LMTK3: variants seen among roughly 807,000 people sequenced by gnomAD.
LMTK3 encodes the protein serine/threonine-protein kinase LMTK3.
LMTK3 carries 27 observed loss-of-function variants against 116.7 expected under a neutral mutation model. The observed-to-expected ratio is 0.23, with a 90% CI of 0.17 to 0.32. LMTK3 has a LOEUF of 0.32. Ranked by LOEUF, LMTK3 falls within the 10% of genes least tolerant of loss-of-function variation. The pLI, the probability that LMTK3 is intolerant of heterozygous loss-of-function variation, is 1.00. For synonymous variants in LMTK3, 965 were observed against 971.0 expected (o/e 0.99, Z 0.11); for missense variants, 1,764 against 2,068.5 (o/e 0.85, Z 2.86).
intron 11 of LMTK3, among the ~76,000 whole-genome samples, chr19:48,495,642 A>G (rs1161485546): frequency 1.3e-5 from 2 of 152,246 alleles, no homozygotes; most frequent in Non-Finnish European, 2.9e-5. Flanking sequence ...TCCTCTGTCC[A>G]GCCCACTTCC....
chr19:48,496,296 C>CTTTT (rs1365263028), intron 11 of LMTK3, among the ~76,000 whole-genome samples: 2 of 142,200 alleles, frequency 1.4e-5, no homozygotes, highest in Non-Finnish European at 3.0e-5. Flanking sequence ...TTTTCTTTTT[C>CTTTT]TTTTCTTTTT....
chr19:48,496,746 G>C (rs1569101953), intron 11 of LMTK3, among the ~76,000 whole-genome samples: 1 of 152,276 alleles, frequency 6.6e-6, no homozygotes. Flanking sequence ...ACAGAGCCCA[G>C]CCAGCTTATT....
At position 48,493,828 on chromosome 19, in the gene LMTK3, C is replaced by T. The variant is rs567737297; in HGVS notation, c.3958G>A (p.Ala1320Thr). 46 of 1,487,034 alleles carry T rather than the reference C, an allele frequency of 3.1e-5. No homozygotes were observed. In the African/African-American group the frequency reaches 5.9e-4, roughly 19 times the overall value. 92.1% of individuals were successfully genotyped at this position (1,487,034 alleles called of 1,614,324 possible). Residue 1320 changes from alanine (A) to threonine (T), a missense_variant, in exon 12 of 15, where the codon GCG becomes ACG. By Grantham distance (58) the Ala-to-Thr change is moderately conservative. Around this residue, in one of 7 missense-constraint regions of LMTK3, gnomAD observed 281 missense variants for 301.4 expected, o/e 0.93. Coordinates refer to ENST00000600059, the MANE Select transcript of LMTK3 (RefSeq NM_001388485.1). ...CCCCGCAGCGGGCGGGCCGCGTCCG[C>T]GTCGGCGCTGCTCACCACGACGGGC... ...PVPVVVSSAD[A>T]DAARPLRGLL...
chr19:48,503,093 TTTG>T, intron 5 of LMTK3, 97 bp from the exon 6 acceptor site: 1 of 741,748 alleles, frequency 1.3e-6, no homozygotes, highest in African/African-American at 1.8e-5. Flanking sequence ...TCCACCCTTT[TTTG>T]TTGTTTTTGT....
In LMTK3 at chr19:48,502,988, T is replaced by C. The variant is rs746735486; in HGVS notation, c.566A>G (p.Gln189Arg). Residue 189 changes from glutamine (Q) to arginine (R), a missense_variant, in exon 6 of 15, where the codon CAG (glutamine) becomes CGG (arginine). Transcript: ENST00000600059. Reference sequence around the variant, plus strand: ...CAGGCACTGGAGGACATTGGGGTGCTGCAGGCTCCTGTGGAGTGAGGAGGT... The same window carrying C: ...CAGGCACTGGAGGACATTGGGGTGCCGCAGGCTCCTGTGGAGTGAGGAGGT... ...ISEAQPYRSLQHPNVLQCLGL... is the reference protein window; with the variant it reads ...ISEAQPYRSLRHPNVLQCLGL... 2 of 1,611,226 alleles carry C rather than the reference T, an allele frequency of 1.2e-6. No individual in the cohort carries two copies. Among genetic ancestry groups the C allele is most frequent in the African/African-American group, 1.3e-5 (1 of 75,000 alleles).
rs369031433 is a variant in LMTK3, at chr19:48,502,532, G to C, written c.695C>G (p.Ser232Cys). 6 of 1,598,006 alleles carry C rather than the reference G, an allele frequency of 3.8e-6. No homozygotes were observed. Among genetic ancestry groups the C allele is most frequent in the Non-Finnish European group, 4.3e-6 (5 of 1,173,350 alleles). ...CAGGTCTCGAGGGGGTAGCTCAGGG[G>C]ACAGGCCCTCGGGGGGCCGCTGGGC... ...LRAQRPPEGL[S>C]PELPPRDLRT... Residue 232 changes from serine (S) to cysteine (C), a missense_variant, in exon 7 of 15, where the codon TCC (serine) becomes TGC (cysteine). Ser to Cys is a moderately radical substitution (Grantham distance 112). This residue lies in a region of LMTK3 where 271 missense variants were observed against 478.2 expected (regional missense o/e 0.57). Coordinates refer to ENST00000600059, the MANE Select transcript of LMTK3 (RefSeq NM_001388485.1).
At chr19:48,489,522 G>A (rs559147101) in intron 14 of LMTK3, among the ~76,000 whole-genome samples, 59 of 151,580 alleles carry the variant, frequency 3.9e-4, no homozygotes, top group African/African-American at 1.4e-3. Flanking sequence ...GCAATGAGCC[G>A]AGATCACACC....
chr19:48,503,798 T>A (rs2147553925), intron 5 of LMTK3, among the ~76,000 whole-genome samples: 1 of 151,840 alleles, frequency 6.6e-6, no homozygotes, highest in South Asian at 2.1e-4. Flanking sequence ...TTTCTCTCTC[T>A]CTCTCTCTCT....
chr19:48,492,072 G>T (rs1200205636), intron 12 of LMTK3, among the ~76,000 whole-genome samples: 1 of 152,134 alleles, frequency 6.6e-6, no homozygotes, highest in Non-Finnish European at 1.5e-5. Context: ...CCAGTTCTTG[G>T]CCTTGTTTCC....
chr19:48,485,483 G>C lies in LMTK3; in HGVS notation c.*290C>G. 1 of 445,744 alleles carries C rather than the reference G, an allele frequency of 2.2e-6. No individual in the cohort carries two copies. Among genetic ancestry groups the C allele is most frequent in the African/African-American group, 2.1e-5 (1 of 48,256 alleles). 27.6% of individuals were successfully genotyped at this position (445,744 alleles called of 1,614,324 possible). ...GTCGAGGGGCTCCAGGCCCAAAAGA[G>C]TTCAGTTCAGTTCCGAGAAAGGCGG... On this transcript the variant is annotated 3_prime_UTR_variant, in exon 15 of 15. Coordinates refer to ENST00000600059, the MANE Select transcript of LMTK3 (RefSeq NM_001388485.1).
Position 48,500,961 on chromosome 19 carries a change from G to A in LMTK3, c.1151+35C>T, listed in dbSNP as rs1972454337. On this transcript the variant is annotated intron_variant, in intron 10 of 14. Transcript: ENST00000600059. This position sits in a 1 kb window ranked among gnomAD's most constrained non-coding sequence, Gnocchi z 4.0. ...GCTGGGACCATCCTGGGTGGGGTGC[G>A]GCAGGCCAGGAGCCCCGGGTGGGCT... 3 of 1,469,738 alleles carry A rather than the reference G, an allele frequency of 2.0e-6. No homozygotes were observed. Among genetic ancestry groups the A allele is most frequent in the Non-Finnish European group, 2.7e-6 (3 of 1,112,366 alleles). 91.0% of individuals were successfully genotyped at this position (1,469,738 alleles called of 1,614,324 possible).
rs919992722 is a variant in LMTK3, at chr19:48,497,642, G to C, written c.3427C>G (p.Pro1143Ala). Residue 1143 changes from proline (P) to alanine (A), a missense_variant, in exon 11 of 15, where the codon CCG becomes GCG. Transcript: ENST00000600059. This position sits in a 1 kb window ranked among gnomAD's most constrained non-coding sequence, Gnocchi z 5.7. ...GGCAGCGGTGGCGGCGGTGGCTGCGGCCTCGTGTTGTCTACCCATCCGGCC... is the reference window on the plus strand; with the variant it reads ...GGCAGCGGTGGCGGCGGTGGCTGCGCCCTCGTGTTGTCTACCCATCCGGCC... ...AKAGWVDNTR[P>A]QPPPPPLPPP... 2 of 1,304,234 alleles carry C rather than the reference G, an allele frequency of 1.5e-6. No homozygotes were observed. Among genetic ancestry groups the C allele is most frequent in the Admixed American group, 4.0e-5 (1 of 25,142 alleles). 80.8% of individuals were successfully genotyped at this position (1,304,234 alleles called of 1,614,324 possible).
rs1426070963 is a variant in LMTK3, at chr19:48,485,529, G to T, written c.*244C>A. On this transcript the variant is annotated 3_prime_UTR_variant, in exon 15 of 15. Transcript: ENST00000600059. ...GGCGGCTCTCTATGGAGGGGCGGGG[G>T]GATTCCTGCCTCATTTGGCTCCGAG... The T allele has an allele frequency of 3.7e-6, 2 of 542,284 alleles. No homozygotes were observed. Among genetic ancestry groups the T allele is most frequent in the Non-Finnish European group, 6.5e-6 (2 of 306,186 alleles). The allele number at this position is 542,284 out of a possible 1,614,324, so 33.6% of individuals were successfully genotyped here.
rs116000940 is a variant in LMTK3, at chr19:48,491,823, G to A, written c.4093-284C>T. Among the ~76,000 whole-genome samples the A allele has an allele frequency of 6.4e-3, 972 of 152,138 alleles. 17 individuals are homozygous for A. The highest frequency in any genetic ancestry group is 0.022 in the African/African-American group (910 of 41,482). ...AGGGATTCTCTCCTGGCTCATTAAC[G>A]TGAGGCCTCCACCGGATCCCCTAAC... is the stretch of plus-strand genomic sequence containing the variant. On this transcript the variant is annotated intron_variant, in intron 12 of 14. Coordinates refer to ENST00000600059, the MANE Select transcript of LMTK3 (RefSeq NM_001388485.1). This position sits in a 1 kb window ranked among gnomAD's most constrained non-coding sequence, Gnocchi z 5.1.
Position 48,511,733 on chromosome 19 carries a change from T to C in LMTK3, c.-157A>G. 1 of 381,604 alleles carries C rather than the reference T, an allele frequency of 2.6e-6. No homozygotes were observed. The highest frequency in any genetic ancestry group is 4.8e-6 in the Non-Finnish European group (1 of 209,898). 23.6% of individuals were successfully genotyped at this position (381,604 alleles called of 1,614,324 possible). A position where few individuals can be genotyped will look rare whatever the true frequency, so the allele number is the denominator to read the frequency against. On this transcript the variant is annotated 5_prime_UTR_variant, in exon 1 of 15. Transcript: ENST00000600059. ...AGGACAGGGGGAGGGAGGGGCTGCT[T>C]GCTGGCTCAGGTACCCCCCTCCCCC...
chr19:48,513,262 C>T, upstream of LMTK3: 1 of 1,172,584 alleles, frequency 8.5e-7, no homozygotes, highest in African/African-American at 1.5e-5. The surrounding 1 kb of genome is among the most constrained non-coding windows in gnomAD (Gnocchi z 5.6). Context: ...CAGGTATCGT[C>T]CGCAGCGTTT....
chr19:48,502,396 C>G, intron 7 of LMTK3, 37 bp downstream of exon 7: 2 of 1,600,808 alleles, frequency 1.2e-6, no homozygotes, highest in Non-Finnish European at 1.7e-6. Flanking sequence ...CCCCCTTCCC[C>G]TTAGTAGCTC....
At chr19:48,504,657 C>G (rs970771768) in intron 5 of LMTK3, among the ~76,000 whole-genome samples, 1 of 152,092 alleles carries the variant, frequency 6.6e-6, no homozygotes. Flanking sequence ...TCAAGTGATT[C>G]TCCTGCCTCA....
At position 48,500,284 on chromosome 19, in the gene LMTK3, C is replaced by T. The variant is rs1018252567; in HGVS notation, c.1152-367G>A. ...CTAAAAATACAAAAAATTAGCCTAGCGTGGTGGCACCTGCCTGTAATCCCA... is the reference window on the plus strand; with the variant it reads ...CTAAAAATACAAAAAATTAGCCTAGTGTGGTGGCACCTGCCTGTAATCCCA... On this transcript the variant is annotated intron_variant, in intron 10 of 14. Coordinates refer to ENST00000600059, the MANE Select transcript of LMTK3 (RefSeq NM_001388485.1). The surrounding 1 kb of genome is among the most constrained non-coding windows in gnomAD (Gnocchi z 4.0). Among the ~76,000 whole-genome samples the T allele has an allele frequency of 7.9e-5, 12 of 152,180 alleles. No individual in the cohort carries two copies. The highest frequency in any genetic ancestry group is 2.2e-4 in the African/African-American group (9 of 41,448).
Sources: allele counts gnomAD v4.1 joint callset (sites outside exome capture counted in the v4.1 genomes callset), GRCh38; gene constraint gnomAD v4.1.1; regional missense constraint gnomAD v4.1.1; non-coding constraint Gnocchi (gnomAD v3.1); transcripts MANE v1.5; gene names NCBI Gene and HGNC (gene_info 2026-07-23, HGNC 2026-07-21).